RGL1: variants seen among roughly 807,000 people sequenced by gnomAD.
RGL1 encodes ral guanine nucleotide dissociation stimulator-like 1.
Under a neutral mutation model 95.2 loss-of-function variants are expected in RGL1, and 24 were observed. The ratio of observed to expected loss-of-function variants is 0.25; its 90% CI spans 0.18 to 0.35. The LOEUF is 0.35. RGL1 is among the 10% of genes least tolerant of loss of function. RGL1 has a pLI of 1.00. For missense variants in RGL1, 715 were observed against 936.3 expected, an observed-to-expected ratio of 0.76 and a Z score of 3.08; for synonymous variants, 329 against 344.9, an observed-to-expected ratio of 0.95 and a Z score of 0.51.
chr1:183,903,287 G>A (rs1668130413), intron 12 of RGL1, among the ~76,000 whole-genome samples: 1 of 152,096 alleles, frequency 6.6e-6, no homozygotes, highest in South Asian at 2.1e-4. Flanking sequence ...CTTCGGTGTA[G>A]GTAGTTATTC....
chr1:183,818,572 C>A (rs929464566), intron 2 of RGL1, among the ~76,000 whole-genome samples: 1 of 137,030 alleles, frequency 7.3e-6, no homozygotes, highest in East Asian at 2.0e-4. Context: ...AGCTGTATTA[C>A]AGCACTTATC....
At chr1:183,912,056 A>C in intron 14 of RGL1, 26 bp from the exon 15 acceptor site, 1 of 1,604,218 alleles carries the variant, frequency 6.2e-7, no homozygotes, top group South Asian at 1.1e-5. Context: ...AACAGCCCAA[A>C]TGCTTGGCAT....
At chr1:183,880,078 A>G (rs902405288) in intron 4 of RGL1, among the ~76,000 whole-genome samples, 1 of 152,242 alleles carries the variant, frequency 6.6e-6, no homozygotes, top group Non-Finnish European at 1.5e-5. Flanking sequence ...CAAAAGGATA[A>G]TTTTATGAGG....
chr1:183,826,130 C>T lies in RGL1; in HGVS notation c.138+19645C>T, dbSNP rs11588274. The stretch of plus-strand genomic sequence containing the variant: ...GTGCAGTGGTGCGATCTTGGCTCAC[C>T]GCAAGCTCCGCCTCCCTGGTTCATG... On this transcript the variant is annotated intron_variant, in intron 2 of 17. Coordinates refer to ENST00000360851, the MANE Select transcript of RGL1 (RefSeq NM_001297671.3). Among the ~76,000 whole-genome samples the T allele has an allele frequency of 1.2e-3, 182 of 151,962 alleles. 1 individual carries two copies. The highest frequency in any genetic ancestry group is 3.4e-3 in the Middle Eastern group (1 of 294).
Position 183,847,835 on chromosome 1 carries a change from C to T in RGL1, c.347+61C>T, listed in dbSNP as rs907525599. ...TGTAGGCTGATTATGGAGTGGAGCA[C>T]GAGGTTCTGAATCACCTGCACTTGG... On this transcript the variant is annotated intron_variant, in intron 3 of 17. Coordinates refer to ENST00000360851, the MANE Select transcript of RGL1 (RefSeq NM_001297671.3). 142 of 1,331,648 alleles carry T rather than the reference C, an allele frequency of 1.1e-4. 3 individuals are homozygous for T. In the South Asian group the frequency reaches 1.5e-3, roughly 14 times the overall value. 82.5% of individuals were successfully genotyped at this position (1,331,648 alleles called of 1,614,324 possible). A position where few individuals can be genotyped will look rare whatever the true frequency, so the allele number is the denominator to read the frequency against.
intron 2 of RGL1, among the ~76,000 whole-genome samples, chr1:183,751,425 G>T (rs1044218148): frequency 1.1e-4 from 16 of 152,204 alleles, no homozygotes; most frequent in African/African-American, 3.4e-4. Context: ...GTCCCAGGTT[G>T]ACTTCAGACT....
chr1:183,849,368 C>T (rs1342777748), intron 3 of RGL1, among the ~76,000 whole-genome samples: 1 of 151,592 alleles, frequency 6.6e-6, no homozygotes, highest in African/African-American at 2.4e-5. Context: ...AAATGTAATT[C>T]TTATTTCAAA....
At chr1:183,642,304 CTAGAAATTAGTGT>C (rs1244546304) in intron 1 of RGL1, among the ~76,000 whole-genome samples, 3 of 152,076 alleles carry the variant, frequency 2.0e-5, no homozygotes, top group Non-Finnish European at 4.4e-5. Context: ...GCTCTATAGC[CTAGAAATTAGTGT>C]TCCCATTTTA....
intron 2 of RGL1, among the ~76,000 whole-genome samples, chr1:183,747,462 T>C (rs1222453401): frequency 6.6e-6 from 1 of 152,242 alleles, no homozygotes; most frequent in Non-Finnish European, 1.5e-5. Flanking sequence ...TTTATGTCCT[T>C]TGCTCAATTT....
intron 1 of RGL1, among the ~76,000 whole-genome samples, chr1:183,731,343 T>G (rs1656617450): frequency 6.6e-6 from 1 of 152,162 alleles, no homozygotes; most frequent in South Asian, 2.1e-4. Context: ...CCACTTCTTT[T>G]TAGTAGTGGA....
intron 1 of RGL1, among the ~76,000 whole-genome samples, chr1:183,651,602 T>C (rs1034544556): frequency 6.6e-6 from 1 of 152,220 alleles, no homozygotes; most frequent in South Asian, 2.1e-4. Flanking sequence ...GTGGCTAATA[T>C]CCTGCAGTAA....
At chr1:183,838,903 G>A (rs1185070278) in intron 2 of RGL1, among the ~76,000 whole-genome samples, 1 of 152,238 alleles carries the variant, frequency 6.6e-6, no homozygotes, top group African/African-American at 2.4e-5. Flanking sequence ...GCAGAGGTGA[G>A]GAGTGTGCAC....
intron 1 of RGL1, among the ~76,000 whole-genome samples, chr1:183,737,582 CAAAA>C (rs397805638): frequency 8.4e-6 from 1 of 118,608 alleles, no homozygotes. Context: ...TCTATCTCTA[CAAAA>C]AAAAAAAAAA....
At chr1:183,917,127 A>G (rs1218280429) in intron 16 of RGL1, among the ~76,000 whole-genome samples, 2 of 152,186 alleles carry the variant, frequency 1.3e-5, no homozygotes, top group Non-Finnish European at 2.9e-5. Context: ...CATTCTTAGC[A>G]GTGTACTCCC....
At chr1:183,636,940 C>A (rs995683955) in intron 1 of RGL1, among the ~76,000 whole-genome samples, 1 of 152,140 alleles carries the variant, frequency 6.6e-6, no homozygotes, top group Admixed American at 6.5e-5. Context: ...TTTAGTTGGA[C>A]CTCGAGCAGA....
chr1:183,925,084 G>C (rs1669540071), intron 17 of RGL1, among the ~76,000 whole-genome samples: 1 of 152,186 alleles, frequency 6.6e-6, no homozygotes, highest in African/African-American at 2.4e-5. Context: ...AAAAATTACA[G>C]ATGTCTAGTT....
intron 2 of RGL1, among the ~76,000 whole-genome samples, chr1:183,749,571 A>G (rs573739492): frequency 4.6e-5 from 7 of 152,244 alleles, no homozygotes; most frequent in Middle Eastern, 3.4e-3. Context: ...TTTAAGGTTA[A>G]TATTGTTATG....
chr1:183,713,935 A>T (rs1436390154), intron 1 of RGL1, among the ~76,000 whole-genome samples: 1 of 152,204 alleles, frequency 6.6e-6, no homozygotes, highest in African/African-American at 2.4e-5. Context: ...GAATGAATCA[A>T]TCGAAAAAGG....
intron 1 of RGL1, among the ~76,000 whole-genome samples, chr1:183,692,400 A>G (rs1015094933): frequency 2.6e-5 from 4 of 152,184 alleles, no homozygotes; most frequent in Non-Finnish European, 4.4e-5. Context: ...TGAACCATAT[A>G]CATCATCAGT....
Sources: allele counts gnomAD v4.1 joint callset (sites outside exome capture counted in the v4.1 genomes callset), GRCh38; gene constraint gnomAD v4.1.1; transcripts MANE v1.5; gene names NCBI Gene and HGNC (gene_info 2026-07-23, HGNC 2026-07-21).